PCDH15: variants seen among roughly 807,000 people sequenced by gnomAD.
PCDH15 encodes the protein protocadherin-15.
Under a neutral mutation model 178.5 loss-of-function variants are expected in PCDH15, and 129 were observed. The observed-to-expected ratio is 0.72, with a 90% CI of 0.63 to 0.84. The LOEUF (loss-of-function observed/expected upper bound fraction) is 0.84, where lower values mean the gene tolerates loss of function less well. Ranked by LOEUF, PCDH15 falls within the 40% of genes least tolerant of loss-of-function variation. PCDH15 has a pLI of 0.00. For synonymous variants in PCDH15, 800 were observed against 732.0 expected (o/e 1.09, Z -1.50); for missense variants, 2,230 against 2,099.9 (o/e 1.06, Z -1.21).
chr10:54,456,623 T>C (rs960117047), intron 3 of PCDH15, among the ~76,000 whole-genome samples: 3 of 152,168 alleles, frequency 2.0e-5, no homozygotes, highest in Non-Finnish European at 2.9e-5. Flanking sequence ...TGGGGAACTG[T>C]TGGAAGAGCA....
At chr10:55,603,248 A>T (rs1843128717) in intron 2 of PCDH15, among the ~76,000 whole-genome samples, 2 of 151,540 alleles carry the variant, frequency 1.3e-5, no homozygotes, top group Admixed American at 1.3e-4. Flanking sequence ...ACTATGTGAG[A>T]TGACCAAATC....
In PCDH15 at chr10:54,915,367, A is replaced by G. The variant is rs558775651; in HGVS notation, c.-79-17867T>C. On this transcript the variant is annotated intron_variant, in intron 2 of 5. Coordinates refer to the PCDH15 transcript ENST00000458638. ...ATTAATGATGCTAATATGCCTTAGA[A>G]AAAAATCCTCAAAATTATTTGGAAT... is the stretch of plus-strand genomic sequence containing the variant. Among the ~76,000 whole-genome samples, 4 of 152,312 alleles carry G rather than the reference A, an allele frequency of 2.6e-5. No individual in the cohort carries two copies. In the South Asian group the frequency reaches 8.3e-4, roughly 32 times the overall value.
chr10:54,481,754 G>A (rs148098606), intron 3 of PCDH15, among the ~76,000 whole-genome samples: 6 of 151,606 alleles, frequency 4.0e-5, no homozygotes, highest in African/African-American at 7.2e-5. Flanking sequence ...TTAAAAACAC[G>A]ATTTTAAGAT....
intron 21 of PCDH15, among the ~76,000 whole-genome samples, chr10:53,984,236 G>A (rs1040253751): frequency 9.9e-5 from 13 of 131,414 alleles, no homozygotes; most frequent in South Asian, 7.7e-4. Flanking sequence ...TGCAAGTTCC[G>A]CCTCCTGGGT....
At chr10:54,340,978 A>G (rs912190860) in intron 6 of PCDH15, among the ~76,000 whole-genome samples, 1 of 152,156 alleles carries the variant, frequency 6.6e-6, no homozygotes, top group African/African-American at 2.4e-5. Context: ...CTCTTGCCCA[A>G]CTTCTAAGCT....
chr10:54,609,267 G>A (rs2092880118), intron 2 of PCDH15, among the ~76,000 whole-genome samples: 1 of 151,976 alleles, frequency 6.6e-6, no homozygotes, highest in South Asian at 2.1e-4. Flanking sequence ...CAAATGTTAT[G>A]TATTCTACAT....
At chr10:54,804,043 TTC>T (rs1458907978), upstream of PCDH15, among the ~76,000 whole-genome samples, 7 of 152,086 alleles carry the variant, frequency 4.6e-5, no homozygotes, top group Non-Finnish European at 8.8e-5. Flanking sequence ...CAAAAAAATT[TTC>T]TTTTTTTTTT....
intron 2 of PCDH15, among the ~76,000 whole-genome samples, chr10:55,573,790 C>T (rs1210899158): frequency 6.6e-6 from 1 of 151,884 alleles, no homozygotes; most frequent in African/African-American, 2.4e-5. Flanking sequence ...AAGTCTGACC[C>T]ATTTTCTGTG....
chr10:54,737,311 G>A (rs931648478), intron 1 of PCDH15, among the ~76,000 whole-genome samples: 2 of 152,088 alleles, frequency 1.3e-5, no homozygotes, highest in African/African-American at 4.8e-5. Context: ...TGGTAAAGCT[G>A]TAACCATAAA....
intron 3 of PCDH15, among the ~76,000 whole-genome samples, chr10:54,893,705 A>G (rs1196981095): frequency 1.3e-5 from 2 of 152,158 alleles, no homozygotes; most frequent in Non-Finnish European, 2.9e-5. Flanking sequence ...TTTACAAAAT[A>G]AAGAGTAATA....
intron 2 of PCDH15, among the ~76,000 whole-genome samples, chr10:54,577,733 A>G (rs956613125): frequency 1.1e-4 from 16 of 152,030 alleles, no homozygotes; most frequent in African/African-American, 3.9e-4. Flanking sequence ...TGTGCCCACT[A>G]ATAGTCCCTT....
chr10:55,246,683 C>T (rs1169692238), intron 1 of PCDH15, among the ~76,000 whole-genome samples: 1 of 152,106 alleles, frequency 6.6e-6, no homozygotes, highest in East Asian at 1.9e-4. Flanking sequence ...TCATGTGTAT[C>T]AGGTGTCTTA....
chr10:54,482,659 A>C (rs1049015756), intron 3 of PCDH15, among the ~76,000 whole-genome samples: 1 of 151,780 alleles, frequency 6.6e-6, no homozygotes, highest in Non-Finnish European at 1.5e-5. Context: ...AAAAATAAAA[A>C]AGGGAAAGAT....
At chr10:53,890,538 T>A (rs1564697541) in intron 26 of PCDH15, among the ~76,000 whole-genome samples, 1 of 152,200 alleles carries the variant, frequency 6.6e-6, no homozygotes, top group South Asian at 2.1e-4. Flanking sequence ...CTGACTTTTG[T>A]CCTTTTCTAG....
Position 53,970,770 on chromosome 10 carries a change from C to A in PCDH15, c.2869-8878G>T, listed in dbSNP as rs546685371. ...GTTGAATCCCTGAATAGACCAATAA[C>A]AGGCTCTGAAATTGAGGCAATAATT... is the stretch of plus-strand genomic sequence containing the variant. On this transcript the variant is annotated intron_variant, in intron 21 of 37. Transcript: ENST00000644397. 9.9e-5 allele frequency among the ~76,000 whole-genome samples: 15 copies of A among 152,214 alleles called. No individual in the cohort carries two copies. In the South Asian group the frequency reaches 3.1e-3, roughly 32 times the overall value.
chr10:54,148,183 G>GCC (rs1564533766), intron 14 of PCDH15, among the ~76,000 whole-genome samples: 4 of 151,892 alleles, frequency 2.6e-5, no homozygotes, highest in Non-Finnish European at 2.9e-5. Context: ...TCTTATTGTA[G>GCC]ATTCTGTAAC....
At chr10:55,625,995 A>G (rs1241674057) in intron 2 of PCDH15, among the ~76,000 whole-genome samples, 2 of 152,086 alleles carry the variant, frequency 1.3e-5, no homozygotes, top group Non-Finnish European at 2.9e-5. Flanking sequence ...TGTATAAACT[A>G]TACTGTCAGA....
intron 1 of PCDH15, among the ~76,000 whole-genome samples, chr10:55,273,550 T>C (rs1440812362): frequency 6.6e-6 from 1 of 151,978 alleles, no homozygotes; most frequent in Admixed American, 6.6e-5. Context: ...GGCAAGGGGG[T>C]GTGTGTGACT....
Position 53,866,702 on chromosome 10 carries a change from C to T in PCDH15, c.3657G>A (p.Lys1219=), listed in dbSNP as rs1240620059. The change falls in exon 27 of 38, where the codon AAG becomes AAA. Residue 1219 remains lysine (K), a synonymous_variant. Transcript: ENST00000644397. ...AGTCGTCAGTTGCAATAACTTGAAA[C>T]TTGAAGTAGGATCTCCTCATATTAT... is the stretch of plus-strand genomic sequence containing the variant. The part of the protein sequence containing the change: ...LFHNMRRSYF[K]FQVIATDDYG... 18 of 1,613,430 alleles carry T rather than the reference C, an allele frequency of 1.1e-5. No homozygotes were observed. Among genetic ancestry groups the T allele is most frequent in the Admixed American group, 1.7e-5 (1 of 59,954 alleles).
Sources: allele counts gnomAD v4.1 joint callset (sites outside exome capture counted in the v4.1 genomes callset), GRCh38; gene constraint gnomAD v4.1.1; transcripts MANE v1.5; gene names NCBI Gene and HGNC (gene_info 2026-07-23, HGNC 2026-07-21).